HNRNPA3: variants seen among roughly 807,000 people sequenced by gnomAD.
The protein encoded by HNRNPA3 is epididymis secretory sperm binding protein.
A neutral mutation model predicts 45.8 loss-of-function variants in HNRNPA3; 3 were observed. The observed-to-expected ratio is 0.07, with a 90% CI of 0.03 to 0.17. HNRNPA3 has a LOEUF of 0.17. HNRNPA3 is among the 10% of genes least tolerant of loss of function. The pLI is 1.00. For synonymous variants in HNRNPA3, 170 were observed against 155.6 expected, an observed-to-expected ratio of 1.09 and a Z score of -0.69; for missense variants, 183 against 480.3, an observed-to-expected ratio of 0.38 and a Z score of 5.79.
rs200367144 is a variant in HNRNPA3 at position 177,215,668 on chromosome 2, T to A, written c.195+7T>A. On this transcript the variant is annotated splice_region_variant and intron_variant, in intron 2 of 10. Transcript: ENST00000392524. ...CACACTCACAGATTGTGTGGTAAGT[T>A]ACTAAGAGAACAGAAGGGTTCTAAG... 3.3e-5 allele frequency: 54 copies of A among 1,613,936 alleles called. No homozygotes were observed. In the East Asian group the frequency reaches 1.1e-3, roughly 33 times the overall value.
intron 1 of HNRNPA3, among the ~76,000 whole-genome samples, chr2:177,213,604 C>T (rs1415124284): frequency 1.3e-5 from 2 of 152,244 alleles, no homozygotes; most frequent in Non-Finnish European, 1.5e-5. Flanking sequence ...CATTACACTT[C>T]TTAAACCGCC....
At chr2:177,215,556 A>G (rs1330969493) in exon 2 of HNRNPA3, 2 of 1,613,826 alleles carry the variant, frequency 1.2e-6, no homozygotes, top group South Asian at 1.1e-5. Context: ...ATCCAAAGGA[A>G]CCAGAGCAGT....
chr2:177,214,203 T>G (rs1688821202), intron 1 of HNRNPA3, among the ~76,000 whole-genome samples: 1 of 152,252 alleles, frequency 6.6e-6, no homozygotes, highest in Admixed American at 6.5e-5. Flanking sequence ...AAAATCTCAA[T>G]TTTTGTTTTG....
intron 1 of HNRNPA3, among the ~76,000 whole-genome samples, chr2:177,214,451 TGTAA>T (rs1688838372): frequency 6.6e-6 from 1 of 152,238 alleles, no homozygotes. Flanking sequence ...AGTGAGTTTC[TGTAA>T]GTTTGACATT....
At chr2:177,221,494 T>C (rs1689185181), downstream of HNRNPA3, 1 of 152,656 alleles carries the variant, frequency 6.6e-6, no homozygotes, top group Non-Finnish European at 1.5e-5. Context: ...GGAACTAGTA[T>C]TATAGTGAAA....
At position 177,214,359 on chromosome 2, in the gene HNRNPA3, C is replaced by G. The variant is rs143061504; in HGVS notation, c.73-1180C>G. ...CATGGGTTATAGAAAGCTATTTGAT[C>G]GGCTTTTTTTTTTCCTCAGTTTTTT... On this transcript the variant is annotated intron_variant, in intron 1 of 10. Transcript: ENST00000392524. Among the ~76,000 whole-genome samples, 450 of 151,894 alleles carry G rather than the reference C, an allele frequency of 3.0e-3. 10 individuals carry two copies. In the East Asian group the frequency reaches 0.044, roughly 15 times the overall value.
chr2:177,217,309 T>C (rs1688983912), intron 7 of HNRNPA3, among the ~76,000 whole-genome samples: 1 of 152,240 alleles, frequency 6.6e-6, no homozygotes, highest in South Asian at 2.1e-4. Flanking sequence ...TTACCAGGCT[T>C]CAGAGTGCTA....
chr2:177,216,414 G>T (rs142296095), intron 4 of HNRNPA3, 89 bp from the exon 5 acceptor site: 2 of 910,656 alleles, frequency 2.2e-6, no homozygotes, highest in Non-Finnish European at 3.4e-6. Context: ...ATGTCTTAAT[G>T]GGTTACATAA....
At chr2:177,221,475 C>T (rs538782318), downstream of HNRNPA3, 1 of 152,560 alleles carries the variant, frequency 6.6e-6, no homozygotes, top group Non-Finnish European at 1.5e-5. Context: ...AACCAACTTT[C>T]TATGTTCTGG....
chr2:177,222,743 T>G (rs1689237496), downstream of HNRNPA3: 1 of 152,626 alleles, frequency 6.6e-6, no homozygotes, highest in Non-Finnish European at 1.5e-5. Flanking sequence ...GTGAGCTGAC[T>G]GCCCCACTGT....
intron 1 of HNRNPA3, among the ~76,000 whole-genome samples, chr2:177,215,093 CAA>C (rs1402683852): frequency 2.6e-5 from 4 of 152,054 alleles, no homozygotes; most frequent in Non-Finnish European, 5.9e-5. Context: ...TATTTCTGGT[CAA>C]AGTTTTTGTT....
intron 4 of HNRNPA3, 146 bp from the exon 5 acceptor site, chr2:177,216,357 A>G (rs1025261196): frequency 5.5e-6 from 4 of 731,242 alleles, no homozygotes; most frequent in Non-Finnish European, 4.5e-6. Flanking sequence ...AGAAATAAAC[A>G]TAAACATCTC....
At position 177,216,488 on chromosome 2, in the gene HNRNPA3, T is replaced by G; in HGVS notation, c.554-15T>G. 6.3e-7 allele frequency: 1 copy of G among 1,599,544 alleles called. No individual in the cohort carries two copies. The highest frequency in any genetic ancestry group is 8.6e-7 in the Non-Finnish European group (1 of 1,169,076). On this transcript the variant is annotated splice_polypyrimidine_tract_variant and intron_variant, in intron 4 of 10. Transcript: ENST00000392524. The stretch of plus-strand genomic sequence containing the variant: ...AAAATAACTTTTTGTTTTGTTTGAT[T>G]GAAAAAAAATTTAGTTCAGAAATAC...
At chr2:177,218,837 G>A (rs1689073189) in intron 8 of HNRNPA3, among the ~76,000 whole-genome samples, 200 bp from the exon 9 acceptor site, 1 of 152,246 alleles carries the variant, frequency 6.6e-6, no homozygotes, top group South Asian at 2.1e-4. Flanking sequence ...GAGAGAACAT[G>A]CGCCTAGAGG....
intron 1 of HNRNPA3, among the ~76,000 whole-genome samples, chr2:177,214,355 T>A (rs1688832325): frequency 6.6e-6 from 1 of 152,244 alleles, no homozygotes; most frequent in South Asian, 2.1e-4. Flanking sequence ...GAAAGCTATT[T>A]GATCGGCTTT....
At chr2:177,219,198 A>G (rs1432548969) in intron 9 of HNRNPA3, 39 bp downstream of exon 9, 1 of 1,610,154 alleles carries the variant, frequency 6.2e-7, no homozygotes, top group Admixed American at 1.7e-5. Context: ...GAGCCTTTTT[A>G]ATTTAAAAAA....
At chr2:177,215,445 G>A in intron 1 of HNRNPA3, 94 bp from the exon 2 acceptor site, 1 of 1,278,438 alleles carries the variant, frequency 7.8e-7, no homozygotes, top group South Asian at 1.3e-5. Flanking sequence ...GGAATTTGAT[G>A]TTGATTTTAT....
At chr2:177,216,645 T>G in intron 5 of HNRNPA3, 31 bp from the exon 6 acceptor site, 4 of 1,613,262 alleles carry the variant, frequency 2.5e-6, no homozygotes, top group Non-Finnish European at 3.4e-6. Flanking sequence ...GTTTGTAAGG[T>G]TCTTAAAAAT....
rs539579994 is a variant in HNRNPA3 at position 177,216,997 on chromosome 2, A to G, written c.820+57A>G. On this transcript the variant is annotated intron_variant, in intron 7 of 10. Transcript: ENST00000392524. Reference sequence around the variant, plus strand: ...TTTTAACTTTCTTTACTTATTGAAAATTATTTATTACACTTTTCTAATTTT... The same window carrying G: ...TTTTAACTTTCTTTACTTATTGAAAGTTATTTATTACACTTTTCTAATTTT... 1.6e-5 allele frequency: 22 copies of G among 1,387,746 alleles called. No homozygotes were observed. In the East Asian group the frequency reaches 5.1e-4, roughly 32 times the overall value. 86.0% of individuals were successfully genotyped at this position (1,387,746 alleles called of 1,614,324 possible).
Sources: gnomAD v4.1 joint callset for allele counts (sites outside exome capture counted in the v4.1 genomes callset) on GRCh38, gnomAD v4.1.1 for gene constraint, MANE v1.5 for transcripts, NCBI Gene and HGNC (gene_info 2026-07-23, HGNC 2026-07-21) for gene names.